The following RAB14 variants were observed in gnomAD, a reference collection of about 807,000 sequenced individuals.
RAB14 encodes the protein RAB14, member RAS oncogene family.
In RAB14, 3 loss-of-function variants were observed where a neutral mutation model predicts 31.1. The ratio of observed to expected loss-of-function variants is 0.10; its 90% CI spans 0.04 to 0.25. RAB14 has a LOEUF of 0.25. Among genes scored for constraint, RAB14 ranks in the 10% least tolerant of loss-of-function variants. The pLI is 1.00. For missense variants in RAB14, 111 were observed against 260.1 expected (o/e 0.43, Z 3.94); for synonymous variants, 85 against 84.9 (o/e 1.00, Z 0.00).
chr9:121,198,490 T>C (rs780685737), intron 1 of RAB14, among the ~76,000 whole-genome samples: 2 of 152,252 alleles, frequency 1.3e-5, no homozygotes, highest in Admixed American at 1.3e-4. Context: ...TGTTACTGTA[T>C]AATTTTTACA....
At chr9:121,183,226 G>T in intron 6 of RAB14, 85 bp downstream of exon 6, 2 of 952,936 alleles carry the variant, frequency 2.1e-6, no homozygotes, top group East Asian at 2.5e-5. Context: ...AAAAAAAAAT[G>T]CAAAAAAAAA....
At chr9:121,196,644 T>C (rs564086129) in intron 1 of RAB14, among the ~76,000 whole-genome samples, 4 of 152,152 alleles carry the variant, frequency 2.6e-5, no homozygotes, top group African/African-American at 9.7e-5. Context: ...CTCTCCACCG[T>C]CGTGCCTCCT....
intron 1 of RAB14, among the ~76,000 whole-genome samples, chr9:121,200,124 T>C (rs937808795): frequency 6.6e-6 from 1 of 152,200 alleles, no homozygotes; most frequent in African/African-American, 2.4e-5. Flanking sequence ...ATCACTTAAC[T>C]AGGAAGTGGC....
At position 121,178,295 on chromosome 9, in the gene RAB14, T is replaced by A. The variant is rs372686473; in HGVS notation, c.*3101A>T. ...TTTCAAAACAAAACTTGATTTCTTT[T>A]GTATTTACATTTTTTGTTTCAAGTC... On this transcript the variant is annotated 3_prime_UTR_variant, in exon 8 of 8. Coordinates refer to ENST00000373840, the MANE Select transcript of RAB14 (RefSeq NM_016322.4). 6.6e-6 allele frequency: 1 copy of A among 152,296 alleles called. No homozygotes were observed. Among genetic ancestry groups the A allele is most frequent in the African/African-American group, 2.4e-5 (1 of 41,460 alleles). 9.4% of individuals were successfully genotyped at this position (152,296 alleles called of 1,614,324 possible). A position where few individuals can be genotyped will look rare whatever the true frequency, so the allele number is the denominator to read the frequency against.
intron 1 of RAB14, among the ~76,000 whole-genome samples, chr9:121,194,094 TCACACACACACACACA>T (rs56303323): frequency 1.2e-4 from 17 of 139,046 alleles, no homozygotes; most frequent in African/African-American, 3.3e-4. Flanking sequence ...AGATTATCAC[TCACACACACACACACA>T]CACACACACA....
At chr9:121,194,090 T>TCACACACACA (rs56275636) in intron 1 of RAB14, among the ~76,000 whole-genome samples, 9,899 of 140,856 alleles carry the variant, frequency 0.07, 404 homozygotes, top group Non-Finnish European at 0.093. Flanking sequence ...TTGCAGATTA[T>TCACACACACA]CACTCACACA....
chr9:121,185,693 T>A (rs2053655178), intron 5 of RAB14, among the ~76,000 whole-genome samples: 1 of 152,192 alleles, frequency 6.6e-6, no homozygotes, highest in Non-Finnish European at 1.5e-5. Context: ...TTACTGGGTA[T>A]GATGCCCTTG....
intron 4 of RAB14, among the ~76,000 whole-genome samples, chr9:121,188,621 G>A (rs753124645): frequency 5.9e-5 from 9 of 151,434 alleles, no homozygotes; most frequent in Non-Finnish European, 1.2e-4. Context: ...TGTCAATTTA[G>A]AAAAGCACCC....
At position 121,192,574 on chromosome 9, in the gene RAB14, A is replaced by G. The variant is rs1341982515; in HGVS notation, c.53-350T>C. ...CCTTAAACTCATGCATAAAAGCAAC[A>G]AATTTCAAAAACTGACAAATGGGGT... On this transcript the variant is annotated intron_variant, in intron 2 of 7. Transcript: ENST00000373840. Among the ~76,000 whole-genome samples, 5 of 152,206 alleles carry G rather than the reference A, an allele frequency of 3.3e-5. No individual in the cohort carries two copies. In the East Asian group the frequency reaches 9.6e-4, roughly 29 times the overall value.
intron 1 of RAB14, among the ~76,000 whole-genome samples, chr9:121,200,501 A>G (rs1194534296): frequency 6.6e-6 from 1 of 152,210 alleles, no homozygotes; most frequent in African/African-American, 2.4e-5. Flanking sequence ...TCTTCTTCAT[A>G]TATGAAACTG....
chr9:121,187,107 T>A, intron 4 of RAB14, 88 bp from the exon 5 acceptor site: 3 of 711,540 alleles, frequency 4.2e-6, no homozygotes, highest in Non-Finnish European at 6.3e-6. Context: ...AATCAACATA[T>A]CCTAAAATAA....
At position 121,201,643 on chromosome 9, in the gene RAB14, G is replaced by A. The variant is rs2053785808; in HGVS notation, c.-12C>T. ...ACTACGGAAGGCCCGGGTTACCTGGGGGGTTGCTGGTGGCTGGGCAGCTTT... is the reference window on the plus strand; with the variant it reads ...ACTACGGAAGGCCCGGGTTACCTGGAGGGTTGCTGGTGGCTGGGCAGCTTT... On this transcript the variant is annotated 5_prime_UTR_variant, in exon 1 of 8. Transcript: ENST00000373840. The A allele has an allele frequency of 6.6e-6, 1 of 152,606 alleles. No homozygotes were observed. The highest frequency in any genetic ancestry group is 2.4e-5 in the African/African-American group (1 of 41,458). The allele number at this position is 152,606 out of a possible 1,614,324, so 9.5% of individuals were successfully genotyped here.
intron 1 of RAB14, among the ~76,000 whole-genome samples, chr9:121,200,116 C>T (rs193032382): frequency 3.3e-5 from 5 of 152,298 alleles, no homozygotes; most frequent in African/African-American, 1.2e-4. Flanking sequence ...TGCTTAAGAT[C>T]ACTTAACTAG....
rs1190225469 is a variant in RAB14, at chr9:121,179,514, G to GT, written c.*1881dup. 3 of 152,566 alleles carry GT rather than the reference G, an allele frequency of 2.0e-5. No homozygotes were observed. Among genetic ancestry groups the GT allele is most frequent in the African/African-American group, 7.2e-5 (3 of 41,422 alleles). 9.5% of individuals were successfully genotyped at this position (152,566 alleles called of 1,614,324 possible). The stretch of plus-strand genomic sequence containing the variant: ...TCCCAATGGGTGGTTTGTTTGTTTT[G>GT]TTTTTGTAAATATACACACACACCA... On this transcript the variant is annotated 3_prime_UTR_variant, in exon 8 of 8. Coordinates refer to ENST00000373840, the MANE Select transcript of RAB14 (RefSeq NM_016322.4).
Position 121,183,485 on chromosome 9 carries a change from T to G in RAB14, c.352-87A>C. On this transcript the variant is annotated intron_variant, in intron 5 of 7. Transcript: ENST00000373840. ...AAATTCTGAAATCCAAAAATCTTGATAGAAAAAATGACTGGGCCTAAAAAG... is the reference window on the plus strand; with the variant it reads ...AAATTCTGAAATCCAAAAATCTTGAGAGAAAAAATGACTGGGCCTAAAAAG... 2.9e-6 allele frequency: 3 copies of G among 1,050,262 alleles called. No homozygotes were observed. In the South Asian group the frequency reaches 4.1e-5, roughly 14 times the overall value. The allele number at this position is 1,050,262 out of a possible 1,614,324, so 65.1% of individuals were successfully genotyped here. A position where few individuals can be genotyped will look rare whatever the true frequency, so the allele number is the denominator to read the frequency against.
chr9:121,201,742 C>A lies in RAB14; in HGVS notation c.-111G>T, dbSNP rs767345196. 65 of 152,914 alleles carry A rather than the reference C, an allele frequency of 4.3e-4. No individual in the cohort carries two copies. The highest frequency in any genetic ancestry group is 8.4e-4 in the Non-Finnish European group (58 of 68,646). 9.5% of individuals were successfully genotyped at this position (152,914 alleles called of 1,614,324 possible). On this transcript the variant is annotated 5_prime_UTR_variant, in exon 1 of 8. Transcript: ENST00000373840. ...CGGGAGAGGGGGCGGGGGCGGTCGA[C>A]CGAGGCGCCGGCAGGTACACTGGCA... is the stretch of plus-strand genomic sequence containing the variant.
intron 1 of RAB14, among the ~76,000 whole-genome samples, chr9:121,198,152 CACTG>C: frequency 6.6e-6 from 1 of 151,940 alleles, no homozygotes; most frequent in Admixed American, 6.6e-5. Context: ...TATATCCCTG[CACTG>C]ACTTACTATA....
intron 5 of RAB14, 93 bp downstream of exon 5, chr9:121,186,860 C>T (rs751871775): frequency 1.3e-6 from 1 of 744,786 alleles, no homozygotes; most frequent in East Asian, 3.0e-5. Context: ...ATTCTTAGTA[C>T]CTGAAGACAA....
chr9:121,182,231 T>C (rs892038474), intron 7 of RAB14, among the ~76,000 whole-genome samples: 17 of 152,146 alleles, frequency 1.1e-4, no homozygotes, highest in African/African-American at 4.1e-4. Context: ...AGAAATGAAA[T>C]CTCTCTGAAC....
Sources: allele counts gnomAD v4.1 joint callset (sites outside exome capture counted in the v4.1 genomes callset), GRCh38; gene constraint gnomAD v4.1.1; transcripts MANE v1.5; gene names NCBI Gene and HGNC (gene_info 2026-07-23, HGNC 2026-07-21).